FAM20A: variants seen among roughly 807,000 people sequenced by gnomAD.
FAM20A encodes FAM20A golgi associated secretory pathway pseudokinase, also known as pseudokinase FAM20A.
In FAM20A, 42 loss-of-function variants were observed where a neutral mutation model predicts 52.0. The observed-to-expected ratio is 0.81, with a 90% confidence interval of 0.63 to 1.04. The LOEUF (loss-of-function observed/expected upper bound fraction) is 1.04, where lower values mean the gene tolerates loss of function less well. Ranked by LOEUF, FAM20A falls within the 50% of genes least tolerant of loss-of-function variation. The pLI is 0.00. For missense variants in FAM20A, 742 were observed against 712.7 expected (o/e 1.04, Z -0.47); for synonymous variants, 304 against 298.9 (o/e 1.02, Z -0.18).
intron 1 of FAM20A, among the ~76,000 whole-genome samples, chr17:68,571,379 C>T (rs1238169157): frequency 1.3e-5 from 2 of 152,176 alleles, no homozygotes; most frequent in African/African-American, 4.8e-5. Context: ...TGCTTGAACA[C>T]GTTTCCTGCT....
intron 1 of FAM20A, among the ~76,000 whole-genome samples, chr17:68,578,690 A>T (rs191421324): frequency 2.4e-3 from 360 of 151,870 alleles, no homozygotes; most frequent in African/African-American, 7.7e-3. Flanking sequence ...CCTTCCTTGG[A>T]TTTTTAAAAA....
At chr17:68,568,680 C>T (rs1446670454) in intron 1 of FAM20A, among the ~76,000 whole-genome samples, 1 of 151,526 alleles carries the variant, frequency 6.6e-6, no homozygotes, top group Admixed American at 6.6e-5. Context: ...GGTCTTGTGG[C>T]CACATCATGC....
chr17:68,541,954 A>T (rs2086316508), intron 7 of FAM20A, 31 bp downstream of exon 7: 2 of 1,605,598 alleles, frequency 1.2e-6, no homozygotes, highest in Non-Finnish European at 1.7e-6. Context: ...ACTGTCAAGG[A>T]CTGGGCTGTG....
At chr17:68,588,913 G>C (rs1205841211) in intron 1 of FAM20A, among the ~76,000 whole-genome samples, 1 of 152,218 alleles carries the variant, frequency 6.6e-6, no homozygotes. Flanking sequence ...ACTATCAGCT[G>C]TCTGCCCACT....
intron 1 of FAM20A, among the ~76,000 whole-genome samples, chr17:68,593,479 T>C (rs2088367208): frequency 6.6e-6 from 1 of 152,218 alleles, no homozygotes; most frequent in African/African-American, 2.4e-5. Context: ...TTTTTTGACA[T>C]TGATTTTATT....
rs768226161 is a variant in FAM20A at position 68,541,001 on chromosome 17, G to C, written c.1110-43C>G. The C allele has an allele frequency of 3.9e-6, 6 of 1,552,102 alleles. No homozygotes were observed. In the South Asian group the frequency reaches 7.1e-5, roughly 18 times the overall value. ...TCCTGGGGCTGGAAAAGCCAAGATGGCAGGGTGTCGGGGGTCTCCCCACAC... is the reference window on the plus strand; with the variant it reads ...TCCTGGGGCTGGAAAAGCCAAGATGCCAGGGTGTCGGGGGTCTCCCCACAC... On this transcript the variant is annotated intron_variant, in intron 7 of 10. Coordinates refer to ENST00000592554, the MANE Select transcript of FAM20A (RefSeq NM_017565.4).
intron 1 of FAM20A, among the ~76,000 whole-genome samples, chr17:68,570,222 C>T (rs1391668469): frequency 6.6e-6 from 1 of 152,042 alleles, no homozygotes; most frequent in East Asian, 1.9e-4. Flanking sequence ...ATTATGGGCA[C>T]CTGCCACCAC....
intron 1 of FAM20A, among the ~76,000 whole-genome samples, chr17:68,581,363 T>TTTCTTTCTTTCTTTC (rs1255186884): frequency 1.6e-5 from 2 of 128,874 alleles, no homozygotes; most frequent in Admixed American, 1.6e-4. Flanking sequence ...TCTTTCTTTC[T>TTTCTTTCTTTCTTTC]TTCTTTCTTT....
intron 1 of FAM20A, among the ~76,000 whole-genome samples, chr17:68,593,406 G>C (rs965344646): frequency 6.6e-6 from 1 of 152,228 alleles, no homozygotes; most frequent in African/African-American, 2.4e-5. Context: ...AGAAAGCACA[G>C]GAAGCTGAAG....
chr17:68,591,771 G>A (rs1485483868), intron 1 of FAM20A: 1 of 152,202 alleles, frequency 6.6e-6, no homozygotes, highest in Non-Finnish European at 1.5e-5. Flanking sequence ...AGGTCACCCC[G>A]TTTGCGTGGG....
intron 1 of FAM20A, among the ~76,000 whole-genome samples, chr17:68,556,581 G>C (rs59827160): frequency 0.16 from 23,800 of 151,694 alleles, 1,931 homozygotes; most frequent in South Asian, 0.18. Flanking sequence ...GGCAGGGAGG[G>C]GGGGTGGTTT....
chr17:68,576,914 C>G (rs1372569903), intron 1 of FAM20A, among the ~76,000 whole-genome samples: 1 of 152,118 alleles, frequency 6.6e-6, no homozygotes, highest in African/African-American at 2.4e-5. Context: ...GGGACTCTGT[C>G]TATAGTAAAA....
At chr17:68,595,163 G>A (rs1469350096) in intron 1 of FAM20A, among the ~76,000 whole-genome samples, 1 of 152,240 alleles carries the variant, frequency 6.6e-6, no homozygotes, top group Non-Finnish European at 1.5e-5. Flanking sequence ...TGGGTTCTCA[G>A]GATTGATGAG....
At chr17:68,589,870 G>A (rs1247819031) in intron 1 of FAM20A, among the ~76,000 whole-genome samples, 1 of 152,150 alleles carries the variant, frequency 6.6e-6, no homozygotes, top group Admixed American at 6.5e-5. Context: ...GGGGAGACAG[G>A]AATAATCTTA....
intron 5 of FAM20A, among the ~76,000 whole-genome samples, chr17:68,543,287 C>G (rs1179309563): frequency 1.3e-5 from 2 of 152,088 alleles, no homozygotes; most frequent in Non-Finnish European, 2.9e-5. Context: ...TGTGCTTTCA[C>G]CTAATATCAT....
At chr17:68,592,613 T>C (rs2088344250) in intron 1 of FAM20A, among the ~76,000 whole-genome samples, 1 of 152,224 alleles carries the variant, frequency 6.6e-6, no homozygotes, top group African/African-American at 2.4e-5. Flanking sequence ...TCAGTGGACA[T>C]CTTTCCTATC....
intron 1 of FAM20A, among the ~76,000 whole-genome samples, chr17:68,581,486 CT>C (rs2087993896): frequency 2.2e-5 from 1 of 45,690 alleles, no homozygotes; most frequent in African/African-American, 6.8e-5. Context: ...TTCTTTCTTT[CT>C]TTTTCTTTCT....
intron 4 of FAM20A, among the ~76,000 whole-genome samples, chr17:68,545,452 A>AT (rs1485573966): frequency 6.6e-6 from 1 of 152,250 alleles, no homozygotes; most frequent in Non-Finnish European, 1.5e-5. Flanking sequence ...TCCAATAAAT[A>AT]TGCAATAGCA....
At chr17:68,589,152 A>T (rs1379481910) in intron 1 of FAM20A, among the ~76,000 whole-genome samples, 2 of 152,234 alleles carry the variant, frequency 1.3e-5, no homozygotes, top group East Asian at 1.9e-4. Flanking sequence ...CCCTGTTGCC[A>T]CTATATGAAC....
Sources: gnomAD v4.1 joint callset for allele counts (sites outside exome capture counted in the v4.1 genomes callset) on GRCh38, gnomAD v4.1.1 for gene constraint, MANE v1.5 for transcripts, NCBI Gene and HGNC (gene_info 2026-07-23, HGNC 2026-07-21) for gene names.